Variants in TBC1D19 observed in about 807,000 individuals in gnomAD.
TBC1D19 encodes TBC1 domain family member 19.
Under a neutral mutation model 89.0 loss-of-function variants are expected in TBC1D19, and 60 were observed. That is an observed-to-expected ratio of 0.67 (90% confidence interval 0.55 to 0.84). TBC1D19 has a LOEUF of 0.84. Ranked by LOEUF, TBC1D19 falls within the 40% of genes least tolerant of loss-of-function variation. The pLI is 0.00. For missense variants in TBC1D19, 500 were observed against 610.8 expected (o/e 0.82, Z 1.91); for synonymous variants, 189 against 199.7 (o/e 0.95, Z 0.45).
intron 1 of TBC1D19, 83 bp downstream of exon 1, chr4:26,584,375 G>T (rs1280325253): frequency 6.8e-6 from 9 of 1,330,704 alleles, no homozygotes; most frequent in Non-Finnish European, 9.5e-6. Context: ...CCAAGCCAGA[G>T]CTCGCCTCTG....
At chr4:26,673,635 T>A (rs958044302) in intron 10 of TBC1D19, 141 bp from the exon 11 acceptor site, 1 of 637,082 alleles carries the variant, frequency 1.6e-6, no homozygotes, top group Non-Finnish European at 2.8e-6. Flanking sequence ...AGAGAATAAA[T>A]TTTAAAAGGT....
the TBC1D19 span, among the ~76,000 whole-genome samples, chr4:26,794,510 C>T: frequency 1.3e-5 from 2 of 151,720 alleles, no homozygotes; most frequent in African/African-American, 4.8e-5. Context: ...AGTCATAAAT[C>T]GATACAAAGT....
chr4:26,672,760 A>G (rs1377731986), intron 10 of TBC1D19, among the ~76,000 whole-genome samples: 2 of 151,982 alleles, frequency 1.3e-5, no homozygotes, highest in African/African-American at 2.4e-5. Context: ...TGAACCTTCT[A>G]TGGCAATTAT....
intron 4 of TBC1D19, among the ~76,000 whole-genome samples, chr4:26,632,620 C>T (rs1370103123): frequency 6.6e-6 from 1 of 152,010 alleles, no homozygotes; most frequent in East Asian, 1.9e-4. Context: ...ACAGGAGAGG[C>T]AGGCACACTT....
At chr4:26,649,815 A>G (rs1744219133) in intron 7 of TBC1D19, among the ~76,000 whole-genome samples, 1 of 151,704 alleles carries the variant, frequency 6.6e-6, no homozygotes, top group Admixed American at 6.6e-5. Flanking sequence ...GCACCCATTA[A>G]CTCGTCATTT....
intron 7 of TBC1D19, among the ~76,000 whole-genome samples, chr4:26,642,054 A>G (rs944458824): frequency 1.3e-5 from 2 of 152,188 alleles, no homozygotes; most frequent in African/African-American, 4.8e-5. Context: ...GCAGGCCAAC[A>G]TTCAAATTCA....
the TBC1D19 span, among the ~76,000 whole-genome samples, chr4:26,833,915 T>A: frequency 6.6e-6 from 1 of 152,220 alleles, no homozygotes; most frequent in Non-Finnish European, 1.5e-5. Flanking sequence ...GGTGGTGATA[T>A]GGTTTGGATC....
chr4:26,580,603 A>G (rs1280793847), upstream of TBC1D19, among the ~76,000 whole-genome samples: 4 of 152,242 alleles, frequency 2.6e-5, no homozygotes, highest in Non-Finnish European at 5.9e-5. Flanking sequence ...CACACAACAC[A>G]CATCATGATT....
upstream of TBC1D19, among the ~76,000 whole-genome samples, chr4:26,583,169 G>C (rs1465635160): frequency 1.3e-5 from 2 of 152,080 alleles, no homozygotes; most frequent in African/African-American, 4.8e-5. Context: ...ATTTTTGTGA[G>C]GTTATTCTAA....
At chr4:26,579,306 T>C (rs943781139), upstream of TBC1D19, among the ~76,000 whole-genome samples, 2 of 152,202 alleles carry the variant, frequency 1.3e-5, no homozygotes, top group African/African-American at 4.8e-5. Flanking sequence ...TCTCCAAGAA[T>C]TGAGGACGAA....
the TBC1D19 span, among the ~76,000 whole-genome samples, chr4:26,779,886 G>A: frequency 3.3e-5 from 5 of 152,162 alleles, no homozygotes; most frequent in African/African-American, 4.8e-5. Context: ...GGGACTTGTC[G>A]AGTGTGGTGG....
At chr4:26,858,016 G>A in the TBC1D19 span, 24 of 152,288 alleles carry the variant, frequency 1.6e-4, no homozygotes, top group African/African-American at 5.8e-4. Flanking sequence ...CCCAAGGGAT[G>A]GCAACGCACC....
At position 26,717,965 on chromosome 4, in the gene TBC1D19, G is replaced by A. The variant is rs775318401; in HGVS notation, c.987G>A (p.Val329=). The change falls in exon 14 of 21, where the codon GTG becomes GTA. Residue 329 remains valine, a synonymous_variant. Coordinates refer to ENST00000264866, the MANE Select transcript of TBC1D19 (RefSeq NM_018317.4). Reference sequence around the variant, plus strand: ...TTTGTTTTTCCCGGGATACATCTGTGTTGAGTCACTTTGCATTCAACAGTG... The same window carrying A: ...TTTGTTTTTCCCGGGATACATCTGTATTGAGTCACTTTGCATTCAACAGTG... ...VLLCFSRDTS[V]LSHFAFNSAS... The A allele has an allele frequency of 3.7e-6, 6 of 1,611,828 alleles. No individual in the cohort carries two copies. The highest frequency in any genetic ancestry group is 2.2e-5 in the South Asian group (2 of 90,900).
At chr4:26,622,762 C>A (rs1327514240) in intron 4 of TBC1D19, among the ~76,000 whole-genome samples, 4 of 152,154 alleles carry the variant, frequency 2.6e-5, no homozygotes, top group Non-Finnish European at 4.4e-5. Flanking sequence ...GTTGTTGCTG[C>A]TTTTGCACAA....
intron 7 of TBC1D19, among the ~76,000 whole-genome samples, chr4:26,644,550 A>T (rs1170825137): frequency 1.3e-5 from 2 of 152,210 alleles, no homozygotes; most frequent in African/African-American, 4.8e-5. Flanking sequence ...CCTATTCAAC[A>T]TAGTGTTGGA....
the TBC1D19 span, among the ~76,000 whole-genome samples, chr4:26,806,399 A>C: frequency 6.6e-6 from 1 of 152,250 alleles, no homozygotes; most frequent in Admixed American, 6.5e-5. Context: ...GAGGATCATG[A>C]GTTTAAATGT....
the TBC1D19 span, among the ~76,000 whole-genome samples, chr4:26,827,583 G>T: frequency 6.6e-6 from 1 of 152,206 alleles, no homozygotes; most frequent in African/African-American, 2.4e-5. Context: ...CAGCCTGGGC[G>T]AGAGAGCAAG....
chr4:26,654,570 C>T (rs1184704198), intron 7 of TBC1D19, among the ~76,000 whole-genome samples: 2 of 151,944 alleles, frequency 1.3e-5, no homozygotes, highest in Non-Finnish European at 2.9e-5. Flanking sequence ...GCTTTGTTGA[C>T]ATTTCTTTTC....
At chr4:26,701,394 A>G (rs1246685536) in intron 13 of TBC1D19, among the ~76,000 whole-genome samples, 1 of 146,540 alleles carries the variant, frequency 6.8e-6, no homozygotes, top group African/African-American at 2.8e-5. Flanking sequence ...CTTTTTGTTT[A>G]TAGTGCTTAT....
Sources: gnomAD v4.1 joint callset for allele counts (sites outside exome capture counted in the v4.1 genomes callset) on GRCh38, gnomAD v4.1.1 for gene constraint, MANE v1.5 for transcripts, NCBI Gene and HGNC (gene_info 2026-07-23, HGNC 2026-07-21) for gene names.